The following GRIP2 variants were observed in gnomAD, a reference collection of about 807,000 sequenced individuals.
The protein encoded by GRIP2 is glutamate receptor-interacting protein 2.
Under a neutral mutation model 108.3 loss-of-function variants are expected in GRIP2, and 58 were observed. The ratio of observed to expected loss-of-function variants is 0.54; its 90% CI spans 0.43 to 0.67. The LOEUF (loss-of-function observed/expected upper bound fraction) is 0.67, where lower values mean the gene tolerates loss of function less well. GRIP2 is among the 30% of genes least tolerant of loss of function. The probability of loss-of-function intolerance (pLI) is 0.00; values close to 1 mark genes in which losing one functional copy is unlikely to be tolerated. For synonymous variants in GRIP2, 586 were observed against 598.2 expected, an observed-to-expected ratio of 0.98 and a Z score of 0.30; for missense variants, 1,278 against 1,430.6, an observed-to-expected ratio of 0.89 and a Z score of 1.72.
At chr3:14,545,858 A>G (rs1421982839), upstream of GRIP2, among the ~76,000 whole-genome samples, 1 of 152,224 alleles carries the variant, frequency 6.6e-6, no homozygotes, top group Non-Finnish European at 1.5e-5. Flanking sequence ...TCCAGAGGTC[A>G]GCTGGGCCAG....
Position 14,512,627 on chromosome 3 carries a change from A to G in GRIP2, c.1720+150T>C, listed in dbSNP as rs1024029875. The G allele has an allele frequency of 1.5e-6, 1 of 686,388 alleles. No individual in the cohort carries two copies. 42.5% of individuals were successfully genotyped at this position (686,388 alleles called of 1,614,324 possible). ...TCGCTGAGAACACGCAGCTGGGTCC[A>G]CGGAAGCCAGCCTCCCCACACCCCC... is the stretch of plus-strand genomic sequence containing the variant. On this transcript the variant is annotated intron_variant, in intron 14 of 23. Coordinates refer to ENST00000621039, the MANE Select transcript of GRIP2 (RefSeq NM_001080423.4). This position sits in a 1 kb window ranked among gnomAD's most constrained non-coding sequence, Gnocchi z 5.1.
At chr3:14,598,135 A>ACAACCATGCTCCCTT in the GRIP2 span, among the ~76,000 whole-genome samples, 1 of 152,068 alleles carries the variant, frequency 6.6e-6, no homozygotes, top group African/African-American at 2.4e-5. Flanking sequence ...ACGCACACAC[A>ACAACCATGCTCCCTT]AACACACACA....
chr3:14,513,600 A>C lies in GRIP2; in HGVS notation c.1639+65T>G. 3.3e-6 allele frequency: 5 copies of C among 1,535,080 alleles called. No individual in the cohort carries two copies. The South Asian group carries it at 6.2e-5, about 19-fold the overall frequency. Reference sequence around the variant, plus strand: ...GGTGGAGCGTTTGCACAGGCGAGGCAGGATAAAGAGAGGAGGGGTGCAGGG... The same window carrying C: ...GGTGGAGCGTTTGCACAGGCGAGGCCGGATAAAGAGAGGAGGGGTGCAGGG... On this transcript the variant is annotated intron_variant, in intron 13 of 23. Transcript: ENST00000621039.
chr3:14,507,765 C>T lies in GRIP2; in HGVS notation c.2079-65G>A. On this transcript the variant is annotated intron_variant, in intron 17 of 23. Coordinates refer to ENST00000621039, the MANE Select transcript of GRIP2 (RefSeq NM_001080423.4). This position sits in a 1 kb window ranked among gnomAD's most constrained non-coding sequence, Gnocchi z 4.6. ...CTCAGGGCCTCAGAGTGGCAGTCTG[C>T]CCTCAGGGAATCCAGGAGAGCCACA... The T allele has an allele frequency of 1.3e-6, 2 of 1,564,840 alleles. No individual in the cohort carries two copies. Among genetic ancestry groups the T allele is most frequent in the East Asian group, 2.3e-5 (1 of 43,884 alleles).
the GRIP2 span, among the ~76,000 whole-genome samples, chr3:14,582,821 G>C: frequency 3.3e-5 from 5 of 152,316 alleles, no homozygotes; most frequent in African/African-American, 9.6e-5. Context: ...ACATCTGTTT[G>C]TTGACATGTG....
Position 14,523,595 on chromosome 3 carries a change from G to C in GRIP2, c.490+17C>G. ...CTTTCTTGCTGCCCCAATACCAAGG[G>C]CAATTCTTTCACTGACCTCTAAGGA... On this transcript the variant is annotated intron_variant, in intron 5 of 23. Coordinates refer to ENST00000621039, the MANE Select transcript of GRIP2 (RefSeq NM_001080423.4). 6.4e-7 allele frequency: 1 copy of C among 1,554,566 alleles called. No homozygotes were observed. Among genetic ancestry groups the C allele is most frequent in the Admixed American group, 1.7e-5 (1 of 58,968 alleles).
At chr3:14,566,023 T>A in the GRIP2 span, among the ~76,000 whole-genome samples, 1 of 152,172 alleles carries the variant, frequency 6.6e-6, no homozygotes, top group Non-Finnish European at 1.5e-5. Flanking sequence ...TAGCCTCAGA[T>A]GAAGAAAGGG....
At chr3:14,570,296 T>A in the GRIP2 span, among the ~76,000 whole-genome samples, 12 of 152,220 alleles carry the variant, frequency 7.9e-5, no homozygotes, top group African/African-American at 2.9e-4. Flanking sequence ...CAGATCAGCA[T>A]CTTGCCGATA....
intron 17 of GRIP2, among the ~76,000 whole-genome samples, chr3:14,508,145 T>TA (rs1693982897): frequency 6.6e-6 from 1 of 152,202 alleles, no homozygotes; most frequent in African/African-American, 2.4e-5. Flanking sequence ...ACACCCTTGG[T>TA]AGCCATTGCC....
chr3:14,574,649 A>T, the GRIP2 span: 2 of 660,588 alleles, frequency 3.0e-6, no homozygotes, highest in East Asian at 6.1e-5. Flanking sequence ...CCATCTCATC[A>T]GGGAAATTCG....
rs561739075 is a variant in GRIP2 at position 14,494,238 on chromosome 3, GTTTCC to G, written c.2971-417_2971-413del. On this transcript the variant is annotated intron_variant, in intron 23 of 23. Coordinates refer to ENST00000621039, the MANE Select transcript of GRIP2 (RefSeq NM_001080423.4). The stretch of plus-strand genomic sequence containing the variant: ...TTTTCACTCCTAATGGAGACAAAAA[GTTTCC>G]TTTCAAAGTCAAATGTAAATTGAAA... Among the ~76,000 whole-genome samples, 94 of 152,340 alleles carry G rather than the reference GTTTCC, an allele frequency of 6.2e-4. 1 individual carries two copies. The highest frequency in any genetic ancestry group is 2.2e-3 in the African/African-American group (93 of 41,568).
At chr3:14,500,581 C>T (rs1275899621) in intron 21 of GRIP2, among the ~76,000 whole-genome samples, 2 of 152,092 alleles carry the variant, frequency 1.3e-5, no homozygotes, top group African/African-American at 4.8e-5. Flanking sequence ...ATCTTCAAAG[C>T]CCTGAGTAAA....
the GRIP2 span, among the ~76,000 whole-genome samples, chr3:14,582,477 G>T: frequency 4.9e-4 from 75 of 152,304 alleles, no homozygotes; most frequent in African/African-American, 1.8e-3. Flanking sequence ...TAGCTTGGAT[G>T]TTTTAGGAAT....
intron 3 of GRIP2, 115 bp from the exon 4 acceptor site, chr3:14,524,653 T>C (rs1575016276): frequency 1.6e-6 from 2 of 1,218,640 alleles, no homozygotes; most frequent in Non-Finnish European, 2.3e-6. Flanking sequence ...ATTTCACAAA[T>C]GGGGAAGCTG....
At chr3:14,513,250 C>A (rs1333966836) in intron 13 of GRIP2, among the ~76,000 whole-genome samples, 1 of 152,168 alleles carries the variant, frequency 6.6e-6, no homozygotes, top group East Asian at 1.9e-4. Flanking sequence ...TCACCTAACC[C>A]AAGTACCGCC....
At chr3:14,509,544 A>G (rs1489693720) in intron 17 of GRIP2, among the ~76,000 whole-genome samples, 1 of 152,228 alleles carries the variant, frequency 6.6e-6, no homozygotes, top group Non-Finnish European at 1.5e-5. Flanking sequence ...TTCCAGACAC[A>G]GGTAGGAGCA....
At chr3:14,510,254 CGTT>C (rs1370807691) in intron 16 of GRIP2, among the ~76,000 whole-genome samples, 16 of 125,832 alleles carry the variant, frequency 1.3e-4, no homozygotes, top group African/African-American at 5.6e-4. Context: ...CCCGATCATC[CGTT>C]GTTTTTTTTT....
Position 14,505,263 on chromosome 3 carries a change from G to A in GRIP2, c.2573+352C>T, listed in dbSNP as rs1037722691. On this transcript the variant is annotated intron_variant, in intron 20 of 23. Coordinates refer to ENST00000621039, the MANE Select transcript of GRIP2 (RefSeq NM_001080423.4). The surrounding 1 kb of genome is among the most constrained non-coding windows in gnomAD (Gnocchi z 4.2). Reference sequence around the variant, plus strand: ...CCCAGGGATGGTGCCGGTGGGCTGAGGGCCCTCGCAGGAGGCCATCAGGCC... The same window carrying A: ...CCCAGGGATGGTGCCGGTGGGCTGAAGGCCCTCGCAGGAGGCCATCAGGCC... 6.6e-6 allele frequency among the ~76,000 whole-genome samples: 1 copy of A among 152,180 alleles called. No individual in the cohort carries two copies. The highest frequency in any genetic ancestry group is 2.4e-5 in the African/African-American group (1 of 41,456).
chr3:14,563,501 G>A, the GRIP2 span, among the ~76,000 whole-genome samples: 61 of 152,246 alleles, frequency 4.0e-4, no homozygotes, highest in African/African-American at 1.5e-3. Flanking sequence ...GGGAGGAGGA[G>A]CAGCGTGGGC....
Sources: allele counts gnomAD v4.1 joint callset (sites outside exome capture counted in the v4.1 genomes callset), GRCh38; gene constraint gnomAD v4.1.1; non-coding constraint Gnocchi (gnomAD v3.1); transcripts MANE v1.5; gene names NCBI Gene and HGNC (gene_info 2026-07-23, HGNC 2026-07-21).